The following SEC31A variants were observed in gnomAD, a reference collection of about 807,000 sequenced individuals.
The protein encoded by SEC31A is SEC31 homolog A, COPII component, also known as protein transport protein Sec31A.
A neutral mutation model predicts 151.0 loss-of-function variants in SEC31A; 70 were observed. That is an observed-to-expected ratio of 0.46 (90% CI 0.38 to 0.57). The LOEUF is 0.57. Among genes scored for constraint, SEC31A ranks in the 20% least tolerant of loss-of-function variants. The pLI, the probability that SEC31A is intolerant of heterozygous loss-of-function variation, is 0.00. For synonymous variants in SEC31A, 475 were observed against 505.9 expected (o/e 0.94, Z 0.82); for missense variants, 1,330 against 1,471.2 (o/e 0.90, Z 1.57).
intron 22 of SEC31A, among the ~76,000 whole-genome samples, chr4:82,837,158 C>CAT (rs138120291): frequency 0.052 from 2,217 of 42,484 alleles, 125 homozygotes; most frequent in African/African-American, 0.089. Context: ...TAAATTTTAT[C>CAT]ATATATATAT....
chr4:82,819,057 G>A lies in SEC31A; in HGVS notation c.*17C>T, dbSNP rs369265042. 7 of 1,580,130 alleles carry A rather than the reference G, an allele frequency of 4.4e-6. No individual in the cohort carries two copies. The highest frequency in any genetic ancestry group is 1.4e-5 in the African/African-American group (1 of 73,358). On this transcript the variant is annotated 3_prime_UTR_variant, in exon 27 of 27. Coordinates refer to ENST00000395310, the MANE Select transcript of SEC31A (RefSeq NM_001077207.4). Reference sequence around the variant, plus strand: ...TTTGGAAAAATGGCAATATTGAGTGGAAGAGAAGCTGTCCTTTTAGACACC... The same window carrying A: ...TTTGGAAAAATGGCAATATTGAGTGAAAGAGAAGCTGTCCTTTTAGACACC...
At chr4:82,858,708 A>G (rs968779911) in intron 14 of SEC31A, among the ~76,000 whole-genome samples, 1 of 150,444 alleles carries the variant, frequency 6.6e-6, no homozygotes, top group South Asian at 2.1e-4. Context: ...TTATTTATTT[A>G]ATTTTATTTT....
chr4:82,874,821 G>C, intron 5 of SEC31A, 70 bp from the exon 6 acceptor site: 1 of 1,533,668 alleles, frequency 6.5e-7, no homozygotes. Context: ...TGTAAAATTG[G>C]ATCCTTCATT....
chr4:82,865,370 T>C (rs1735077054), intron 10 of SEC31A, among the ~76,000 whole-genome samples: 1 of 151,796 alleles, frequency 6.6e-6, no homozygotes, highest in Non-Finnish European at 1.5e-5. Context: ...AATAGAACCA[T>C]CCTATGATCC....
At position 82,848,853 on chromosome 4, in the gene SEC31A, G is replaced by C; in HGVS notation, c.2453C>G (p.Ala818Gly). The C allele has an allele frequency of 1.2e-6, 2 of 1,613,986 alleles. No individual in the cohort carries two copies. The highest frequency in any genetic ancestry group is 1.7e-6 in the Non-Finnish European group (2 of 1,179,952). Residue 818 changes from alanine (A) to glycine (G), a missense_variant, in exon 20 of 27, where the codon GCT (alanine) becomes GGT (glycine). Transcript: ENST00000395310. ...AACTCTTGGCATCTGGTGGTGGCCA[G>C]CAACTGGTCCAGGCCTGCCCTTGGG... The part of the protein sequence containing the change: ...QLPKGRPGPV[A>G]GHHQMPRVQT...
At chr4:82,837,116 CCACAGAGCT>C (rs1727491491) in intron 22 of SEC31A, among the ~76,000 whole-genome samples, 1 of 131,352 alleles carries the variant, frequency 7.6e-6, no homozygotes, top group African/African-American at 2.9e-5. Context: ...GTACTTAATG[CCACAGAGCT>C]GTACCTTCAA....
At chr4:82,839,509 C>T (rs1189580876) in intron 22 of SEC31A, among the ~76,000 whole-genome samples, 7 of 152,220 alleles carry the variant, frequency 4.6e-5, no homozygotes, top group Non-Finnish European at 1.0e-4. Context: ...CTGGTCTCAA[C>T]TCCTGACCTC....
chr4:82,866,165 G>C (rs1436349684), intron 10 of SEC31A, among the ~76,000 whole-genome samples: 1 of 151,770 alleles, frequency 6.6e-6, no homozygotes, highest in African/African-American at 2.4e-5. Flanking sequence ...GAGAGAGAAG[G>C]AAGACAAATT....
intron 2 of SEC31A, among the ~76,000 whole-genome samples, chr4:82,881,517 A>G (rs1560665401): frequency 1.3e-5 from 2 of 152,190 alleles, no homozygotes; most frequent in Non-Finnish European, 2.9e-5. Flanking sequence ...CATATATGAT[A>G]TAACTATTTC....
chr4:82,833,794 AT>A lies in SEC31A; in HGVS notation c.2969-4737del, dbSNP rs1334145331. ...GGGAGGGAGGAAAGGAGAAATTAAA[AT>A]TGTTATTTCATTCTGCAATTAAATA... On this transcript the variant is annotated intron_variant, in intron 22 of 26. Transcript: ENST00000395310. 2.0e-5 allele frequency among the ~76,000 whole-genome samples: 3 copies of A among 152,316 alleles called. No homozygotes were observed. The East Asian group carries it at 5.8e-4, about 29-fold the overall frequency.
intron 16 of SEC31A, 90 bp downstream of exon 16, chr4:82,856,862 T>C: frequency 1.9e-6 from 2 of 1,075,878 alleles, no homozygotes; most frequent in South Asian, 3.7e-5. Context: ...TCTTTACTGG[T>C]TTCTGCATTT....
Position 82,866,788 on chromosome 4 carries a change from T to C in SEC31A, c.1197+20A>G. 6.3e-7 allele frequency: 1 copy of C among 1,594,888 alleles called. No homozygotes were observed. Among genetic ancestry groups the C allele is most frequent in the Non-Finnish European group, 8.5e-7 (1 of 1,174,208 alleles). On this transcript the variant is annotated intron_variant, in intron 10 of 26. Coordinates refer to ENST00000395310, the MANE Select transcript of SEC31A (RefSeq NM_001077207.4). ...AAAAGTCCTTTGTGCCTATGGACCA[T>C]AAAAACAAAATCCACCTACTGAAAA...
chr4:82,858,570 A>AG (rs1306102028), intron 14 of SEC31A, among the ~76,000 whole-genome samples: 3 of 143,776 alleles, frequency 2.1e-5, no homozygotes, highest in Non-Finnish European at 4.5e-5. Context: ...AAAAAAAAAA[A>AG]GAACACTATT....
At chr4:82,899,080 C>A (rs576444584) in intron 3 of SEC31A, among the ~76,000 whole-genome samples, 21 of 152,234 alleles carry the variant, frequency 1.4e-4, no homozygotes, top group African/African-American at 5.1e-4. Context: ...ACTCTGAAAA[C>A]ATTCCAAGTG....
chr4:82,888,067 AAAC>A (rs869311636), intron 1 of SEC31A, among the ~76,000 whole-genome samples: 2 of 132,470 alleles, frequency 1.5e-5, no homozygotes, highest in Non-Finnish European at 3.4e-5. Context: ...ACAAACAAAC[AAAC>A]AACAACAAAA....
At chr4:82,900,540 T>G (rs757328213), upstream of SEC31A, 122 of 525,098 alleles carry the variant, frequency 2.3e-4, no homozygotes, top group Non-Finnish European at 3.6e-4. Context: ...CTATTCCGCC[T>G]CCAACGCGGA....
intron 8 of SEC31A, 44 bp from the exon 9 acceptor site, chr4:82,867,360 G>C (rs1560642337): frequency 6.4e-7 from 1 of 1,573,832 alleles, no homozygotes; most frequent in Middle Eastern, 1.7e-4. Flanking sequence ...AAAATGGTAT[G>C]GCCACTTTGT....
chr4:82,858,276 T>G (rs1733158139), intron 14 of SEC31A, among the ~76,000 whole-genome samples: 1 of 151,700 alleles, frequency 6.6e-6, no homozygotes, highest in Non-Finnish European at 1.5e-5. Context: ...CCGGGTGCTG[T>G]GACTCATGCC....
chr4:82,872,434 C>A (rs906972619), intron 6 of SEC31A, among the ~76,000 whole-genome samples: 4 of 152,142 alleles, frequency 2.6e-5, no homozygotes, highest in Non-Finnish European at 2.9e-5. Flanking sequence ...AATGATCCAC[C>A]CACCTCGGCC....
Sources: allele counts gnomAD v4.1 joint callset (sites outside exome capture counted in the v4.1 genomes callset), GRCh38; gene constraint gnomAD v4.1.1; transcripts MANE v1.5; gene names NCBI Gene and HGNC (gene_info 2026-07-23, HGNC 2026-07-21).